The following RBFOX2 variants were observed in gnomAD, a reference collection of about 807,000 sequenced individuals.
RBFOX2 encodes the protein RNA binding protein fox-1 homolog 2.
Under a neutral mutation model 49.1 loss-of-function variants are expected in RBFOX2, and 10 were observed. That is an observed-to-expected ratio of 0.20 (90% CI 0.13 to 0.35). The LOEUF (loss-of-function observed/expected upper bound fraction) is 0.35, where lower values mean the gene tolerates loss of function less well. Ranked by LOEUF, RBFOX2 falls within the 10% of genes least tolerant of loss-of-function variation. The pLI, the probability that RBFOX2 is intolerant of heterozygous loss-of-function variation, is 1.00. For missense variants in RBFOX2, 323 were observed against 486.9 expected (o/e 0.66, Z 3.17); for synonymous variants, 183 against 187.4 (o/e 0.98, Z 0.19).
chr22:35,986,862 G>C lies in RBFOX2; in HGVS notation c.186+41378C>G, dbSNP rs1337806745. Among the ~76,000 whole-genome samples the C allele has an allele frequency of 5.3e-5, 8 of 151,924 alleles. No homozygotes were observed. The East Asian group carries it at 1.4e-3, about 26-fold the overall frequency. On this transcript the variant is annotated intron_variant, in intron 1 of 13. Transcript: ENST00000438146. ...AGTTCCTCATGATTTTTAGACACCA[G>C]CCAATTCTGAAAACAGATCCAGATC...
In RBFOX2 at chr22:35,886,216, C is replaced by T; in HGVS notation, c.-34+52631G>A. On this transcript the variant is annotated intron_variant, in intron 1 of 13. Coordinates refer to the RBFOX2 transcript ENST00000359369. ...AGACAGTTCATTATACCTAGAATAT[C>T]CAATTAACTTTTCAACCAATATCTG... Among the ~76,000 whole-genome samples, 2 of 152,066 alleles carry T rather than the reference C, an allele frequency of 1.3e-5. 1 individual carries two copies. Among genetic ancestry groups the T allele is most frequent in the Middle Eastern group, 6.3e-3 (2 of 316 alleles).
intron 1 of RBFOX2, among the ~76,000 whole-genome samples, chr22:35,852,062 T>TA (rs68083039): frequency 0.22 from 32,701 of 151,506 alleles, 5,361 homozygotes; most frequent in African/African-American, 0.46. Context: ...TGAAAAGCAA[T>TA]AAAAAAAACC....
chr22:35,981,026 C>T (rs1213426666), intron 1 of RBFOX2, among the ~76,000 whole-genome samples: 2 of 152,130 alleles, frequency 1.3e-5, no homozygotes, highest in African/African-American at 2.4e-5. Context: ...GCAAGTGATT[C>T]CATTCTGTTG....
chr22:35,755,685 G>A (rs972228080), intron 9 of RBFOX2, among the ~76,000 whole-genome samples: 1 of 152,172 alleles, frequency 6.6e-6, no homozygotes, highest in African/African-American at 2.4e-5. Context: ...GAAATGAGAA[G>A]AAAAGCAGAA....
intron 1 of RBFOX2, among the ~76,000 whole-genome samples, chr22:35,952,967 T>A (rs1342151163): frequency 1.3e-5 from 2 of 151,768 alleles, no homozygotes; most frequent in East Asian, 3.9e-4. Flanking sequence ...ATCCCAGAAT[T>A]TTGGGAGGCT....
Position 35,828,010 on chromosome 22 carries a change from A to C in RBFOX2, c.27+12182T>G, listed in dbSNP as rs572468952. On this transcript the variant is annotated intron_variant, in intron 1 of 11. Coordinates refer to ENST00000405409, the Ensembl canonical transcript of RBFOX2. ...ACCCCATCTCTACTAAAAATACAAA[A>C]ATTAGCAGGGCATAATGGCACATGC... Among the ~76,000 whole-genome samples the C allele has an allele frequency of 3.9e-5, 6 of 152,188 alleles. No homozygotes were observed. In the South Asian group the frequency reaches 1.0e-3, roughly 26 times the overall value.
intron 6 of RBFOX2, among the ~76,000 whole-genome samples, chr22:35,763,116 TAGG>T (rs1158656720): frequency 6.6e-6 from 1 of 152,198 alleles, no homozygotes; most frequent in Non-Finnish European, 1.5e-5. Context: ...GAGAATTCAT[TAGG>T]AGGAACCCAA....
chr22:35,910,198 A>C (rs1219025083), intron 1 of RBFOX2, among the ~76,000 whole-genome samples: 1 of 152,216 alleles, frequency 6.6e-6, no homozygotes, highest in Non-Finnish European at 1.5e-5. Flanking sequence ...TGGTGACTTT[A>C]ATCCACACAC....
chr22:35,965,863 GA>G (rs1392793535), upstream of RBFOX2, among the ~76,000 whole-genome samples: 2 of 152,146 alleles, frequency 1.3e-5, no homozygotes, highest in Non-Finnish European at 2.9e-5. Flanking sequence ...AACGCAAGTA[GA>G]AGAAAGTAAA....
intron 1 of RBFOX2, among the ~76,000 whole-genome samples, chr22:35,951,709 A>C (rs1399644867): frequency 1.3e-5 from 2 of 152,328 alleles, no homozygotes; most frequent in Non-Finnish European, 2.9e-5. Flanking sequence ...TATCACTTTT[A>C]ATTCTCACTA....
intron 1 of RBFOX2, among the ~76,000 whole-genome samples, chr22:35,826,724 C>G (rs5750182): frequency 5.9e-5 from 9 of 152,200 alleles, no homozygotes; most frequent in Non-Finnish European, 1.0e-4. Context: ...GCAGATAGCA[C>G]TGAACCCTCA....
chr22:35,975,226 T>C (rs1310588716), intron 1 of RBFOX2, among the ~76,000 whole-genome samples: 1 of 152,218 alleles, frequency 6.6e-6, no homozygotes, highest in African/African-American at 2.4e-5. Flanking sequence ...ACCTATCTTG[T>C]ATGAATTGGT....
intron 1 of RBFOX2, among the ~76,000 whole-genome samples, chr22:35,916,624 G>A (rs2149551310): frequency 6.6e-6 from 1 of 152,224 alleles, no homozygotes; most frequent in Non-Finnish European, 1.5e-5. Flanking sequence ...GGCCGGCCGT[G>A]GTAGCTCATG....
chr22:35,938,527 G>A (rs776207920), intron 1 of RBFOX2, among the ~76,000 whole-genome samples: 10 of 152,120 alleles, frequency 6.6e-5, no homozygotes, highest in Non-Finnish European at 1.5e-4. Context: ...AAAGAGACAA[G>A]TCCAGCATTC....
At chr22:35,929,898 G>T (rs2052156802) in intron 1 of RBFOX2, among the ~76,000 whole-genome samples, 1 of 152,000 alleles carries the variant, frequency 6.6e-6, no homozygotes, top group South Asian at 2.1e-4. Context: ...AGAATTTGGG[G>T]AATGAGGGAA....
intron 1 of RBFOX2, among the ~76,000 whole-genome samples, chr22:35,825,519 C>G (rs1955475948): frequency 6.6e-6 from 1 of 151,516 alleles, no homozygotes; most frequent in African/African-American, 2.4e-5. Context: ...GGGGCAGGGC[C>G]AGAAATAGCA....
chr22:35,911,687 G>C (rs2049848517), intron 1 of RBFOX2, among the ~76,000 whole-genome samples: 1 of 152,032 alleles, frequency 6.6e-6, no homozygotes, highest in African/African-American at 2.4e-5. Context: ...ATGCTAATTG[G>C]TGGAATCTCC....
At chr22:35,986,128 G>A (rs370849859) in intron 1 of RBFOX2, among the ~76,000 whole-genome samples, 39 of 152,148 alleles carry the variant, frequency 2.6e-4, no homozygotes, top group African/African-American at 8.7e-4. Context: ...CTGCCCACAC[G>A]AGCTTAATAA....
At position 36,023,209 on chromosome 22, in the gene RBFOX2, C is replaced by G. The variant is rs139657566; in HGVS notation, c.186+5031G>C. 5.5e-3 allele frequency among the ~76,000 whole-genome samples: 844 copies of G among 152,196 alleles called. 4 individuals are homozygous for G. The highest frequency in any genetic ancestry group is 0.02 in the African/African-American group (810 of 41,534). On this transcript the variant is annotated intron_variant, in intron 1 of 13. Coordinates refer to the RBFOX2 transcript ENST00000438146. ...ATAAATAAGCAAATGGGAAGATAAA[C>G]TACTTCAATAAACACAGCATCTACA...
Sources: gnomAD v4.1 joint callset for allele counts (sites outside exome capture counted in the v4.1 genomes callset) on GRCh38, gnomAD v4.1.1 for gene constraint, MANE v1.5 for transcripts, NCBI Gene and HGNC (gene_info 2026-07-23, HGNC 2026-07-21) for gene names.